The following RILPL1 variants were observed in gnomAD, a reference collection of about 807,000 sequenced individuals.
RILPL1 encodes Rab interacting lysosomal protein like 1.
A neutral mutation model predicts 50.3 loss-of-function variants in RILPL1; 33 were observed. The ratio of observed to expected loss-of-function variants is 0.66; its 90% CI spans 0.50 to 0.88. The LOEUF (loss-of-function observed/expected upper bound fraction) is 0.88. RILPL1 is among the 40% of genes least tolerant of loss of function. The pLI is 0.00. For synonymous variants in RILPL1, 205 were observed against 228.6 expected (o/e 0.90, Z 0.93); for missense variants, 418 against 542.5 (o/e 0.77, Z 2.28).
At chr12:123,527,663 A>T (rs145524108) in intron 1 of RILPL1, among the ~76,000 whole-genome samples, 1 of 151,806 alleles carries the variant, frequency 6.6e-6, no homozygotes, top group Admixed American at 6.6e-5. Flanking sequence ...ACTGTGTCTC[A>T]AAAAAAAGAG....
rs973427678 is a variant in RILPL1 at position 123,522,472 on chromosome 12, A to G, written c.460+1023T>C. 2.6e-5 allele frequency among the ~76,000 whole-genome samples: 4 copies of G among 152,296 alleles called. No homozygotes were observed. In the East Asian group the frequency reaches 5.8e-4, roughly 22 times the overall value. On this transcript the variant is annotated intron_variant, in intron 2 of 6. Coordinates refer to ENST00000376874, the MANE Select transcript of RILPL1 (RefSeq NM_178314.5). This position sits in a 1 kb window ranked among gnomAD's most constrained non-coding sequence, Gnocchi z 4.0. ...GCTCACTGGTAAGCGTTTGCCTGTG[A>G]TAAGAGCCTCCAATCTCTTCCCAGC...
chr12:123,490,565 C>A (rs1226302169), intron 4 of RILPL1, among the ~76,000 whole-genome samples: 3 of 151,916 alleles, frequency 2.0e-5, no homozygotes. Context: ...GAAATCCCAG[C>A]AAGGTATGCA....
rs752007942 is a variant in RILPL1, at chr12:123,472,580, G to A, written c.1170C>T (p.Asp390=). The change falls in exon 7 of 7, where the codon GAC becomes GAT. Residue 390 remains aspartate (D), a synonymous_variant. Transcript: ENST00000376874. The part of the protein sequence containing the change: ...FGQWANTHRD[D]GYTEQGQEAL... The stretch of plus-strand genomic sequence containing the variant: ...CTTCCTGTCCTTGCTCTGTGTAACC[G>A]TCATCGCGGTGGGTGTTTGCCCACT... The A allele has an allele frequency of 3.2e-6, 5 of 1,556,520 alleles. No homozygotes were observed. The highest frequency in any genetic ancestry group is 1.7e-4 in the Middle Eastern group (1 of 5,932).
chr12:123,507,160 G>A (rs933454462), intron 2 of RILPL1, among the ~76,000 whole-genome samples: 4 of 152,168 alleles, frequency 2.6e-5, no homozygotes, highest in African/African-American at 7.2e-5. Context: ...GCTCACACAC[G>A]CACTCTAGCA....
intron 4 of RILPL1, among the ~76,000 whole-genome samples, chr12:123,492,330 C>A (rs889189999): frequency 6.6e-6 from 1 of 152,094 alleles, no homozygotes; most frequent in East Asian, 1.9e-4. Context: ...GTTAAAGAAG[C>A]CAGGCAGGAC....
chr12:123,505,269 T>C (rs1883667061), intron 2 of RILPL1, among the ~76,000 whole-genome samples: 1 of 152,072 alleles, frequency 6.6e-6, no homozygotes, highest in Non-Finnish European at 1.5e-5. Context: ...TAACCTCAAG[T>C]GATCTGCCCT....
intron 2 of RILPL1, chr12:123,520,002 C>G (rs1402204105): frequency 6.6e-6 from 1 of 152,402 alleles, no homozygotes. Flanking sequence ...GGTCCAGGCC[C>G]TGTGGGTCCA....
intron 2 of RILPL1, among the ~76,000 whole-genome samples, chr12:123,512,458 A>ATG (rs1235023321): frequency 6.9e-5 from 4 of 57,696 alleles, no homozygotes; most frequent in Admixed American, 2.2e-4. Context: ...TGAGGTCTGT[A>ATG]TGTGTGTGTG....
intron 6 of RILPL1, among the ~76,000 whole-genome samples, chr12:123,480,944 G>A (rs1247358650): frequency 1.3e-5 from 2 of 152,178 alleles, no homozygotes; most frequent in African/African-American, 2.4e-5. Flanking sequence ...CGATCAATGT[G>A]CTGTCCTGTG....
intron 2 of RILPL1, among the ~76,000 whole-genome samples, chr12:123,521,642 T>TATATATATAA (rs1174047785): frequency 2.2e-4 from 4 of 18,230 alleles, no homozygotes; most frequent in African/African-American, 4.7e-4. Flanking sequence ...CACATATGTG[T>TATATATATAA]ATATATATAC....
intron 4 of RILPL1, among the ~76,000 whole-genome samples, chr12:123,487,366 G>C (rs1027024919): frequency 6.6e-6 from 1 of 151,786 alleles, no homozygotes; most frequent in Non-Finnish European, 1.5e-5. Context: ...GCAATGGCAC[G>C]ATCTCAGCTC....
chr12:123,532,940 G>A (rs945482743), intron 1 of RILPL1, among the ~76,000 whole-genome samples: 3 of 152,122 alleles, frequency 2.0e-5, no homozygotes, highest in Non-Finnish European at 4.4e-5. Flanking sequence ...CTATTAAACG[G>A]TAAAGGTGGG....
rs1218400713 is a variant in RILPL1, at chr12:123,485,740, G to C, written c.867C>G (p.Pro289=). 1.2e-6 allele frequency: 2 copies of C among 1,612,948 alleles called. No individual in the cohort carries two copies. Among genetic ancestry groups the C allele is most frequent in the African/African-American group, 2.7e-5 (2 of 74,852 alleles). The change falls in exon 5 of 7, where the codon CCC becomes CCG. Residue 289 remains proline (P), a synonymous_variant. Coordinates refer to ENST00000376874, the MANE Select transcript of RILPL1 (RefSeq NM_178314.5). This position sits in a 1 kb window ranked among gnomAD's most constrained non-coding sequence, Gnocchi z 4.0. The part of the protein sequence containing the change: ...AEKVAMDLKD[P]NRPRFTLQEL... ...CCTGCAGGGTGAACCGGGGGCGGTT[G>C]GGGTCCTTGAGATCCATGGCCACCT...
chr12:123,495,677 GT>G (rs33979230), intron 4 of RILPL1, among the ~76,000 whole-genome samples: 6,607 of 103,388 alleles, frequency 0.064, 116 homozygotes, highest in Admixed American at 0.079. Flanking sequence ...CCTGGCCCCA[GT>G]TTTTTTTTTT....
intron 2 of RILPL1, among the ~76,000 whole-genome samples, chr12:123,511,649 A>ATCAAG: frequency 1.6e-5 from 1 of 60,916 alleles, no homozygotes; most frequent in Non-Finnish European, 3.1e-5. Context: ...TGTGTGTGTG[A>ATCAAG]GATCTGTATG....
intron 2 of RILPL1, chr12:123,513,382 C>T (rs575430037): frequency 2.6e-6 from 1 of 387,902 alleles, no homozygotes; most frequent in Non-Finnish European, 5.4e-6. Context: ...CTGGGGCTGC[C>T]TTGGCTCCCC....
intron 6 of RILPL1, chr12:123,474,425 C>G (rs1593526036): frequency 6.6e-6 from 1 of 152,252 alleles, no homozygotes; most frequent in Non-Finnish European, 1.5e-5. Flanking sequence ...GATCTCAGTT[C>G]ACTGCAACCA....
chr12:123,484,040 T>G, intron 6 of RILPL1, 140 bp downstream of exon 6: 1 of 616,722 alleles, frequency 1.6e-6, no homozygotes, highest in Non-Finnish European at 2.9e-6. Flanking sequence ...GAACTCAAAG[T>G]CGGGGGCCAG....
chr12:123,477,656 C>T (rs1212258907), intron 6 of RILPL1, among the ~76,000 whole-genome samples: 1 of 152,034 alleles, frequency 6.6e-6, no homozygotes, highest in Non-Finnish European at 1.5e-5. Flanking sequence ...GCAGAACCTC[C>T]TGGATGGTTT....
Sources: allele counts gnomAD v4.1 joint callset (sites outside exome capture counted in the v4.1 genomes callset), GRCh38; gene constraint gnomAD v4.1.1; non-coding constraint Gnocchi (gnomAD v3.1); transcripts MANE v1.5; gene names NCBI Gene and HGNC (gene_info 2026-07-23, HGNC 2026-07-21).